The following KSR2 variants were observed in gnomAD, a reference collection of about 807,000 sequenced individuals.
KSR2 encodes kinase suppressor of ras 2.
A neutral mutation model predicts 107.8 loss-of-function variants in KSR2; 25 were observed. That is an observed-to-expected ratio of 0.23 (90% confidence interval 0.17 to 0.32). KSR2 has a LOEUF of 0.32. KSR2 is among the 10% of genes least tolerant of loss of function. The pLI is 1.00. For synonymous variants in KSR2, 480 were observed against 507.0 expected (o/e 0.95, Z 0.71); for missense variants, 887 against 1,268.9 (o/e 0.70, Z 4.57).
At chr12:117,769,014 A>G (rs1003184443) in intron 3 of KSR2, among the ~76,000 whole-genome samples, 8 of 152,222 alleles carry the variant, frequency 5.3e-5, no homozygotes, top group African/African-American at 1.9e-4. Flanking sequence ...TAGGAAATGC[A>G]GAAGGAAATT....
intron 4 of KSR2, among the ~76,000 whole-genome samples, chr12:117,758,655 C>T (rs1287503612): frequency 6.6e-6 from 1 of 152,166 alleles, no homozygotes; most frequent in East Asian, 1.9e-4. Context: ...ATTTGGAAGG[C>T]CTTGAAGAAG....
At chr12:117,647,861 C>T (rs149788551) in intron 5 of KSR2, among the ~76,000 whole-genome samples, 42 of 152,226 alleles carry the variant, frequency 2.8e-4, no homozygotes, top group Admixed American at 2.3e-3. Flanking sequence ...CACACCACCA[C>T]GTCTGGCTTT....
intron 7 of KSR2, among the ~76,000 whole-genome samples, chr12:117,573,370 C>T (rs1007079480): frequency 2.6e-5 from 4 of 151,950 alleles, no homozygotes; most frequent in Non-Finnish European, 4.4e-5. Context: ...TTGTCGTTGT[C>T]GTTGTCATTA....
intron 1 of KSR2, among the ~76,000 whole-genome samples, chr12:117,953,007 T>G (rs1896409248): frequency 6.8e-6 from 1 of 147,094 alleles, no homozygotes; most frequent in Non-Finnish European, 1.5e-5. Context: ...AAAAAAAAAT[T>G]TTAAAGGCTG....
chr12:117,871,659 T>C (rs1449358574), intron 1 of KSR2, among the ~76,000 whole-genome samples: 1 of 151,554 alleles, frequency 6.6e-6, no homozygotes, highest in Non-Finnish European at 1.5e-5. Context: ...AGTATAACCC[T>C]AGTTTCTGAA....
chr12:117,914,447 AAAC>A (rs1895117410), intron 1 of KSR2, among the ~76,000 whole-genome samples: 1 of 151,370 alleles, frequency 6.6e-6, no homozygotes, highest in Non-Finnish European at 1.5e-5. Context: ...AAAAAAAGCC[AAAC>A]AACAACAACA....
chr12:117,655,914 G>C (rs1401913334), intron 5 of KSR2, among the ~76,000 whole-genome samples: 1 of 152,106 alleles, frequency 6.6e-6, no homozygotes, highest in African/African-American at 2.4e-5. Context: ...AAGATCAATG[G>C]GAAACTACAA....
At chr12:117,623,453 C>T (rs1381264930) in intron 5 of KSR2, among the ~76,000 whole-genome samples, 4 of 152,140 alleles carry the variant, frequency 2.6e-5, no homozygotes, top group Non-Finnish European at 4.4e-5. Flanking sequence ...TGGTCAGGTC[C>T]TGCCTATGAG....
intron 14 of KSR2, among the ~76,000 whole-genome samples, chr12:117,486,470 C>G (rs1162921199): frequency 6.6e-6 from 1 of 152,224 alleles, no homozygotes; most frequent in Non-Finnish European, 1.5e-5. Context: ...ATAGCACTCC[C>G]AGCCCCTAGC....
At chr12:117,473,857 AGG>A (rs1346822728) in intron 17 of KSR2, among the ~76,000 whole-genome samples, 2 of 152,292 alleles carry the variant, frequency 1.3e-5, no homozygotes, top group Middle Eastern at 3.4e-3. Flanking sequence ...CATCACTGTA[AGG>A]CATGTCACTG....
At position 117,459,588 on chromosome 12, in the gene KSR2, T is replaced by A. The variant is rs1220669773; in HGVS notation, c.*7611A>T. The stretch of plus-strand genomic sequence containing the variant: ...AGGTCCTTCTAGATCACCATCCCAA[T>A]GACTTGGTTGAAGATGAAAACTCAG... On this transcript the variant is annotated 3_prime_UTR_variant, in exon 20 of 20. Transcript: ENST00000339824. 2 of 152,274 alleles carry A rather than the reference T, an allele frequency of 1.3e-5. No homozygotes were observed. The highest frequency in any genetic ancestry group is 2.4e-5 in the African/African-American group (1 of 41,470). 9.4% of individuals were successfully genotyped at this position (152,274 alleles called of 1,614,324 possible).
At chr12:117,496,518 T>C (rs2137166287) in intron 14 of KSR2, among the ~76,000 whole-genome samples, 1 of 152,330 alleles carries the variant, frequency 6.6e-6, no homozygotes, top group East Asian at 1.9e-4. Context: ...TATATGAATC[T>C]GCCAGATCAG....
At chr12:117,716,987 T>C (rs1208970465) in intron 4 of KSR2, among the ~76,000 whole-genome samples, 1 of 152,218 alleles carries the variant, frequency 6.6e-6, no homozygotes, top group Non-Finnish European at 1.5e-5. Context: ...CTGATGCTCA[T>C]AGTTTGACTT....
intron 5 of KSR2, among the ~76,000 whole-genome samples, chr12:117,608,943 TGGGAGGTTGTCCACAGCTA>T (rs1881442916): frequency 6.6e-6 from 1 of 152,098 alleles, no homozygotes; most frequent in African/African-American, 2.4e-5. Flanking sequence ...CAGGGAATTC[TGGGAGGTTGTCCACAGCTA>T]GGGAGTCTCC....
chr12:117,823,421 G>A (rs553817917), intron 3 of KSR2, among the ~76,000 whole-genome samples: 18 of 152,294 alleles, frequency 1.2e-4, no homozygotes, highest in Admixed American at 9.2e-4. Flanking sequence ...CAAAATGAAC[G>A]TGAGTTGAGT....
At chr12:117,471,941 T>C (rs977385948) in intron 17 of KSR2, among the ~76,000 whole-genome samples, 3 of 152,012 alleles carry the variant, frequency 2.0e-5, no homozygotes, top group African/African-American at 7.2e-5. Flanking sequence ...AATAACTAAC[T>C]CTGGGTGACA....
intron 4 of KSR2, among the ~76,000 whole-genome samples, chr12:117,723,006 T>A (rs1887275195): frequency 1.3e-5 from 2 of 152,256 alleles, no homozygotes; most frequent in African/African-American, 4.8e-5. Context: ...GTTCTCTATG[T>A]CTAGGTGACC....
chr12:117,831,415 G>A (rs750149172), intron 3 of KSR2, among the ~76,000 whole-genome samples: 8 of 152,156 alleles, frequency 5.3e-5, no homozygotes, highest in African/African-American at 1.4e-4. Context: ...CCTGAACCAC[G>A]TTGCTTGGCA....
intron 3 of KSR2, among the ~76,000 whole-genome samples, chr12:117,837,379 T>G (rs1419946679): frequency 1.3e-5 from 2 of 152,200 alleles, no homozygotes; most frequent in Non-Finnish European, 1.5e-5. Flanking sequence ...CAAGACAATT[T>G]TGACGTCTCC....
Sources: allele counts gnomAD v4.1 joint callset (sites outside exome capture counted in the v4.1 genomes callset), GRCh38; gene constraint gnomAD v4.1.1; transcripts MANE v1.5; gene names NCBI Gene and HGNC (gene_info 2026-07-23, HGNC 2026-07-21).